EZH2: variants seen among roughly 807,000 people sequenced by gnomAD.
The protein encoded by EZH2 is histone-lysine N-methyltransferase EZH2.
Under a neutral mutation model 98.4 loss-of-function variants are expected in EZH2, and 18 were observed. The observed-to-expected ratio is 0.18, with a 90% CI of 0.13 to 0.27. The LOEUF is 0.27. Among genes scored for constraint, EZH2 ranks in the 10% least tolerant of loss-of-function variants. The pLI is 1.00. For synonymous variants in EZH2, 338 were observed against 312.3 expected (o/e 1.08, Z -0.87); for missense variants, 470 against 935.1 (o/e 0.50, Z 6.49).
At chr7:148,868,587 G>A (rs1173555495) in intron 1 of EZH2, among the ~76,000 whole-genome samples, 1 of 152,120 alleles carries the variant, frequency 6.6e-6, no homozygotes, top group Non-Finnish European at 1.5e-5. Flanking sequence ...TTTGGGTGGG[G>A]CCACAGAGCC....
chr7:148,815,157 C>T, intron 13 of EZH2, 118 bp from the exon 14 acceptor site: 1 of 1,263,344 alleles, frequency 7.9e-7, no homozygotes, highest in Non-Finnish European at 1.1e-6. Context: ...CCTGCCTTTA[C>T]TGAATGCATA....
At chr7:148,880,577 T>C (rs559021047) in intron 1 of EZH2, among the ~76,000 whole-genome samples, 9 of 152,356 alleles carry the variant, frequency 5.9e-5, no homozygotes, top group African/African-American at 2.2e-4. Flanking sequence ...ATCTAATGTT[T>C]AGTACTACAG....
intron 9 of EZH2, chr7:148,819,125 T>C (rs1242937751): frequency 4.4e-6 from 2 of 454,452 alleles, no homozygotes; most frequent in African/African-American, 4.0e-5. Flanking sequence ...TTCTACCTCA[T>C]ATTTTCCTAA....
chr7:148,811,790 C>T (rs2129469141), intron 15 of EZH2, 70 bp from the exon 16 acceptor site: 4 of 1,328,472 alleles, frequency 3.0e-6, no homozygotes, highest in Admixed American at 1.8e-5. Context: ...AAGTAGACTA[C>T]AGAATGAAAA....
chr7:148,879,046 G>A (rs1820571172), intron 1 of EZH2, among the ~76,000 whole-genome samples: 1 of 151,272 alleles, frequency 6.6e-6, no homozygotes, highest in African/African-American at 2.4e-5. Flanking sequence ...CCAACGTGGT[G>A]AAACCCCATC....
At chr7:148,833,933 T>G (rs1239080799) in intron 3 of EZH2, among the ~76,000 whole-genome samples, 3 of 152,166 alleles carry the variant, frequency 2.0e-5, no homozygotes. Flanking sequence ...TGCTAAAATG[T>G]GTCAGTGCAC....
intron 1 of EZH2, among the ~76,000 whole-genome samples, chr7:148,879,936 C>A (rs1345399598): frequency 6.6e-6 from 1 of 152,038 alleles, no homozygotes; most frequent in Non-Finnish European, 1.5e-5. Flanking sequence ...AGGATCCCAT[C>A]TCTACAAAAA....
chr7:148,849,197 T>C (rs1254214837), intron 1 of EZH2, among the ~76,000 whole-genome samples: 1 of 152,154 alleles, frequency 6.6e-6, no homozygotes, highest in Admixed American at 6.5e-5. Context: ...GAAGGCTGAC[T>C]GTTTATACAA....
At chr7:148,813,127 T>A (rs1254381147) in intron 15 of EZH2, among the ~76,000 whole-genome samples, 1 of 152,078 alleles carries the variant, frequency 6.6e-6, no homozygotes, top group African/African-American at 2.4e-5. Context: ...GGATTTGATC[T>A]CCTGCTCCTT....
intron 19 of EZH2, among the ~76,000 whole-genome samples, chr7:148,808,674 C>T (rs1802194791): frequency 1.3e-5 from 2 of 152,140 alleles, no homozygotes; most frequent in Admixed American, 1.3e-4. Context: ...TAGATCTAAT[C>T]CATAAAGATA....
At position 148,816,639 on chromosome 7, in the gene EZH2, GTCTA is replaced by G. The variant is rs759240579; in HGVS notation, c.1505+41_1505+44del. ...CCTTAGGAAGGGCCTTGCCTGCAGTGTCTATCTATGTTGACTTCTCTAAGGAGCT... is the reference window on the plus strand; with the variant it reads ...CCTTAGGAAGGGCCTTGCCTGCAGTGTCTATGTTGACTTCTCTAAGGAGCT... On this transcript the variant is annotated intron_variant, in intron 12 of 19. Coordinates refer to ENST00000320356, the MANE Select transcript of EZH2 (RefSeq NM_004456.5). 7.6e-6 allele frequency: 11 copies of G among 1,450,992 alleles called. No homozygotes were observed. In the South Asian group the frequency reaches 1.1e-4, roughly 15 times the overall value. The allele number at this position is 1,450,992 out of a possible 1,614,324, so 89.9% of individuals were successfully genotyped here.
chr7:148,809,881 C>T (rs1272507656), intron 17 of EZH2, among the ~76,000 whole-genome samples: 4 of 152,248 alleles, frequency 2.6e-5, no homozygotes, highest in African/African-American at 7.2e-5. Flanking sequence ...GCCTTACATT[C>T]TACCCCAGAA....
At chr7:148,883,457 T>G (rs1047849397) in intron 1 of EZH2, 12 of 151,934 alleles carry the variant, frequency 7.9e-5, no homozygotes, top group African/African-American at 2.9e-4. Context: ...GGGTGCGTCG[T>G]GGGGAAACGT....
chr7:148,843,586 T>G (rs967337045), intron 3 of EZH2, among the ~76,000 whole-genome samples: 23 of 9,150 alleles, frequency 2.5e-3, no homozygotes, highest in South Asian at 3.9e-3. Flanking sequence ...AGTATAAGTT[T>G]TTTTTTTTTT....
At chr7:148,809,914 C>T (rs1802555963) in intron 17 of EZH2, among the ~76,000 whole-genome samples, 2 of 152,244 alleles carry the variant, frequency 1.3e-5, no homozygotes, top group Non-Finnish European at 2.9e-5. Flanking sequence ...AAGCAGCTGC[C>T]TTTCCTCTCA....
chr7:148,844,609 G>A (rs182853841), intron 3 of EZH2, among the ~76,000 whole-genome samples: 318 of 152,186 alleles, frequency 2.1e-3, no homozygotes, highest in African/African-American at 7.5e-3. Flanking sequence ...TGTGTGTGTG[G>A]TACTGTGGAA....
Position 148,808,919 on chromosome 7 carries a change from A to G in EZH2, c.2195+152T>C, listed in dbSNP as rs150233801. 1.2e-3 allele frequency: 771 copies of G among 618,960 alleles called. 5 individuals carry two copies. The African/African-American group carries it at 0.013, about 11-fold the overall frequency. The allele number at this position is 618,960 out of a possible 1,614,324, so 38.3% of individuals were successfully genotyped here. On this transcript the variant is annotated intron_variant, in intron 19 of 19. Coordinates refer to ENST00000320356, the MANE Select transcript of EZH2 (RefSeq NM_004456.5). ...TAATATATAAATGGATAATAAATAC[A>G]TAACAGGAAAGTGTAACCTAATTCC...
chr7:148,818,349 A>T (rs893656949), intron 9 of EZH2, among the ~76,000 whole-genome samples: 5 of 152,232 alleles, frequency 3.3e-5, no homozygotes, highest in African/African-American at 1.2e-4. Context: ...TACAAAAATC[A>T]GGCAAGACAG....
chr7:148,824,474 T>C (rs1807100361), intron 8 of EZH2, among the ~76,000 whole-genome samples: 1 of 152,230 alleles, frequency 6.6e-6, no homozygotes, highest in African/African-American at 2.4e-5. Flanking sequence ...AACATACAAA[T>C]ACTTGCCAAT....
Sources: allele counts gnomAD v4.1 joint callset (sites outside exome capture counted in the v4.1 genomes callset), GRCh38; gene constraint gnomAD v4.1.1; transcripts MANE v1.5; gene names NCBI Gene and HGNC (gene_info 2026-07-23, HGNC 2026-07-21).